MBD5: variants seen among roughly 807,000 people sequenced by gnomAD.
MBD5 encodes methyl-CpG-binding domain protein 5.
MBD5 carries 13 observed loss-of-function variants against 117.3 expected under a neutral mutation model. The ratio of observed to expected loss-of-function variants is 0.11; its 90% CI spans 0.07 to 0.18. The LOEUF (loss-of-function observed/expected upper bound fraction) is 0.18, where lower values mean the gene tolerates loss of function less well. MBD5 is among the 10% of genes least tolerant of loss of function. The pLI is 1.00. For missense variants in MBD5, 1,879 were observed against 2,093.8 expected, an observed-to-expected ratio of 0.90 and a Z score of 2.00; for synonymous variants, 727 against 766.4, an observed-to-expected ratio of 0.95 and a Z score of 0.85.
chr2:148,344,965 A>G (rs751181583), intron 4 of MBD5, among the ~76,000 whole-genome samples: 10 of 151,898 alleles, frequency 6.6e-5, no homozygotes, highest in Admixed American at 1.3e-4. Flanking sequence ...GTTCCATGAC[A>G]TATAACCTAA....
chr2:148,362,494 A>T (rs1224493828), intron 4 of MBD5, among the ~76,000 whole-genome samples: 1 of 152,174 alleles, frequency 6.6e-6, no homozygotes, highest in Non-Finnish European at 1.5e-5. Flanking sequence ...AGTCAGGGAC[A>T]TATACATAAA....
chr2:148,148,503 A>G (rs1697534308), intron 1 of MBD5, among the ~76,000 whole-genome samples: 1 of 152,224 alleles, frequency 6.6e-6, no homozygotes, highest in East Asian at 1.9e-4. Context: ...AGTTCTGAAA[A>G]AGGTGATTTT....
intron 4 of MBD5, among the ~76,000 whole-genome samples, chr2:148,383,716 A>G (rs763760726): frequency 1.3e-5 from 2 of 152,164 alleles, no homozygotes; most frequent in South Asian, 2.1e-4. Flanking sequence ...CTTCAATAAA[A>G]TACTGGCAAA....
intron 3 of MBD5, among the ~76,000 whole-genome samples, chr2:148,324,585 T>C (rs943751689): frequency 3.9e-4 from 60 of 152,246 alleles, no homozygotes; most frequent in Non-Finnish European, 7.5e-4. Context: ...TATTTTATTC[T>C]CTTTGAAGCA....
Position 148,360,052 on chromosome 2 carries a change from A to C in MBD5, c.-557+17716A>C, listed in dbSNP as rs1460120577. Among the ~76,000 whole-genome samples the C allele has an allele frequency of 1.3e-5, 2 of 151,876 alleles. 1 individual carries two copies. Among genetic ancestry groups the C allele is most frequent in the Middle Eastern group, 6.3e-3 (2 of 316 alleles). On this transcript the variant is annotated intron_variant, in intron 4 of 13. Coordinates refer to ENST00000642680, the MANE Select transcript of MBD5 (RefSeq NM_001378120.1). ...TCACTAGATTTCAAGGAAAATAATA[A>C]AATTATAGCAAAGATCATTTCAGGT...
intron 1 of MBD5, among the ~76,000 whole-genome samples, chr2:148,069,816 TACAC>T (rs570525559): frequency 8.9e-4 from 136 of 152,312 alleles, no homozygotes; most frequent in African/African-American, 3.2e-3. Flanking sequence ...TTTAAAGTGA[TACAC>T]AATATTTGTA....
chr2:148,213,753 TTTGATATGGTGATGGTCATC>T (rs372598434), intron 2 of MBD5, among the ~76,000 whole-genome samples: 6,007 of 152,266 alleles, frequency 0.039, 159 homozygotes, highest in African/African-American at 0.075. Flanking sequence ...AATACAACTT[TTTGATATGGTGATGGTCATC>T]TTGAGGCAAA....
chr2:148,060,990 T>A (rs1404801347), intron 1 of MBD5, among the ~76,000 whole-genome samples: 1 of 152,162 alleles, frequency 6.6e-6, no homozygotes, highest in African/African-American at 2.4e-5. Context: ...TTCTTTCTCA[T>A]ACATTTTCTT....
At chr2:148,346,537 G>C (rs1233677309) in intron 4 of MBD5, 1 of 151,836 alleles carries the variant, frequency 6.6e-6, no homozygotes, top group Non-Finnish European at 1.5e-5. Flanking sequence ...TACAATAAAA[G>C]TATATGGCAT....
At chr2:148,328,119 C>T (rs1702512660) in intron 3 of MBD5, among the ~76,000 whole-genome samples, 1 of 152,092 alleles carries the variant, frequency 6.6e-6, no homozygotes, top group Non-Finnish European at 1.5e-5. Context: ...GTCAGTCTGC[C>T]CCTGCTGGGG....
intron 3 of MBD5, among the ~76,000 whole-genome samples, chr2:148,253,891 G>T (rs1054937603): frequency 6.6e-6 from 1 of 152,168 alleles, no homozygotes; most frequent in Non-Finnish European, 1.5e-5. Context: ...AAATGTGCGG[G>T]GTTGTGCACC....
chr2:148,470,438 A>G lies in MBD5; in HGVS notation c.2495A>G (p.Tyr832Cys), dbSNP rs954814725. ...PVIPNSIVSSYNQTSSEAGGS... is the reference protein window; with the variant it reads ...PVIPNSIVSSCNQTSSEAGGS... ...ATACCAAACAGCATTGTTAGCAGCT[A>G]TAATCAAACAAGTTCTGAAGCAGGT... Residue 832 changes from tyrosine to cysteine, a missense_variant, in exon 8 of 14, where the codon TAT becomes TGT. Tyr to Cys is a radical substitution (Grantham distance 194, BLOSUM62 -2). Around this residue, in one of 4 missense-constraint regions of MBD5, gnomAD observed 1,666 missense variants for 1,792.2 expected, o/e 0.93. Transcript: ENST00000642680. 1 of 1,604,900 alleles carries G rather than the reference A, an allele frequency of 6.2e-7. No individual in the cohort carries two copies. Among genetic ancestry groups the G allele is most frequent in the South Asian group, 1.1e-5 (1 of 89,726 alleles).
chr2:148,432,360 C>T (rs1281309826), intron 4 of MBD5, among the ~76,000 whole-genome samples: 1 of 152,062 alleles, frequency 6.6e-6, no homozygotes, highest in Non-Finnish European at 1.5e-5. Flanking sequence ...TGCAGAAGCT[C>T]GTTAGTTTAA....
At chr2:148,393,687 C>T (rs1177366066) in intron 4 of MBD5, among the ~76,000 whole-genome samples, 1 of 152,182 alleles carries the variant, frequency 6.6e-6, no homozygotes, top group Non-Finnish European at 1.5e-5. Context: ...TGTCCTTGTC[C>T]ATTACCCTGG....
chr2:148,124,531 T>C (rs963735809), intron 1 of MBD5, among the ~76,000 whole-genome samples: 4 of 151,168 alleles, frequency 2.6e-5, no homozygotes, highest in Admixed American at 6.6e-5. Flanking sequence ...TGAGCTGTCA[T>C]TGTGCTACGG....
intron 2 of MBD5, among the ~76,000 whole-genome samples, chr2:148,186,297 C>T (rs1698655561): frequency 6.6e-6 from 1 of 152,202 alleles, no homozygotes. Flanking sequence ...CTCCCTTTGC[C>T]CTCTGGCTGA....
chr2:148,404,157 A>G (rs1320503689), intron 4 of MBD5, among the ~76,000 whole-genome samples: 1 of 143,840 alleles, frequency 7.0e-6, no homozygotes, highest in Non-Finnish European at 1.5e-5. Context: ...CATCCTGGGT[A>G]TTTGTTTATG....
intron 1 of MBD5, among the ~76,000 whole-genome samples, chr2:148,040,600 T>C (rs370797371): frequency 8.5e-5 from 13 of 152,190 alleles, no homozygotes; most frequent in Admixed American, 4.6e-4. Flanking sequence ...TTTTAAAAAA[T>C]ATAGCCAACA....
intron 1 of MBD5, among the ~76,000 whole-genome samples, chr2:148,163,239 A>G (rs1698051087): frequency 6.6e-6 from 1 of 152,192 alleles, no homozygotes; most frequent in Non-Finnish European, 1.5e-5. Flanking sequence ...AGTGTAATGA[A>G]TAGGATCATA....
Sources: gnomAD v4.1 joint callset for allele counts (sites outside exome capture counted in the v4.1 genomes callset) on GRCh38, gnomAD v4.1.1 for gene constraint, gnomAD v4.1.1 regional missense constraint, MANE v1.5 for transcripts, NCBI Gene and HGNC (gene_info 2026-07-23, HGNC 2026-07-21) for gene names.